The following SMC5 variants were observed in gnomAD, a reference collection of about 807,000 sequenced individuals.
SMC5 encodes structural maintenance of chromosomes protein 5.
A neutral mutation model predicts 148.3 loss-of-function variants in SMC5; 88 were observed. That is an observed-to-expected ratio of 0.59 (90% CI 0.50 to 0.71). The LOEUF (loss-of-function observed/expected upper bound fraction) is 0.71, where lower values mean the gene tolerates loss of function less well. SMC5 is among the 30% of genes least tolerant of loss of function. The probability of loss-of-function intolerance (pLI) is 0.00; values close to 1 mark genes in which losing one functional copy is unlikely to be tolerated. For missense variants in SMC5, 1,142 were observed against 1,298.9 expected (o/e 0.88, Z 1.86); for synonymous variants, 421 against 432.8 (o/e 0.97, Z 0.34).
chr9:70,292,082 A>C (rs1327600327), intron 8 of SMC5, among the ~76,000 whole-genome samples: 1 of 152,182 alleles, frequency 6.6e-6, no homozygotes, highest in African/African-American at 2.4e-5. Flanking sequence ...GCATTTGGTT[A>C]AATTCCAGAG....
chr9:70,270,270 T>G (rs2118037096), intron 3 of SMC5, among the ~76,000 whole-genome samples: 1 of 152,330 alleles, frequency 6.6e-6, no homozygotes, highest in Non-Finnish European at 1.5e-5. Context: ...ATGCAGATGA[T>G]TAGCAAAATA....
rs2118871319 is a variant in SMC5, at chr9:70,354,021, C to T, written c.*1690C>T. The T allele has an allele frequency of 6.6e-6, 1 of 152,242 alleles. No homozygotes were observed. Among genetic ancestry groups the T allele is most frequent in the Non-Finnish European group, 1.5e-5 (1 of 68,014 alleles). 9.4% of individuals were successfully genotyped at this position (152,242 alleles called of 1,614,324 possible). On this transcript the variant is annotated 3_prime_UTR_variant, in exon 25 of 25. Transcript: ENST00000361138. ...TAAGCATGTTTGAAAATAAAATGGT[C>T]AATTACATTTCAATTTACATAGGCC...
At chr9:70,265,734 A>C (rs982305656) in intron 2 of SMC5, among the ~76,000 whole-genome samples, 5 of 152,220 alleles carry the variant, frequency 3.3e-5, no homozygotes, top group Non-Finnish European at 5.9e-5. Flanking sequence ...AATACTAGGA[A>C]AAACAGACTT....
chr9:70,264,266 G>A (rs758097804), intron 1 of SMC5, 38 bp from the exon 2 acceptor site: 3 of 1,572,678 alleles, frequency 1.9e-6, no homozygotes, highest in East Asian at 4.6e-5. Flanking sequence ...AAGTGGTTTT[G>A]TATCTCTCCT....
intron 1 of SMC5, 73 bp from the exon 2 acceptor site, chr9:70,264,231 C>A: frequency 2.2e-6 from 3 of 1,384,844 alleles, no homozygotes; most frequent in South Asian, 1.5e-5. Context: ...TTTGAGGAAG[C>A]TCATAGATAA....
At chr9:70,321,621 G>C (rs894125657) in intron 15 of SMC5, among the ~76,000 whole-genome samples, 7 of 151,678 alleles carry the variant, frequency 4.6e-5, no homozygotes, top group Non-Finnish European at 1.0e-4. Flanking sequence ...ACCTCAATCA[G>C]TCCTCCCGCC....
At chr9:70,259,948 CT>C (rs1409704215) in intron 1 of SMC5, among the ~76,000 whole-genome samples, 6 of 110,290 alleles carry the variant, frequency 5.4e-5, no homozygotes, top group Admixed American at 1.8e-4. Flanking sequence ...TTTTTTTCCT[CT>C]TTTTTTTTGA....
chr9:70,267,835 AT>A (rs1156740071), intron 2 of SMC5, 87 bp from the exon 3 acceptor site: 5 of 1,233,914 alleles, frequency 4.1e-6, no homozygotes, highest in African/African-American at 1.5e-5. Context: ...AAAAATCTTG[AT>A]TTGACAAATA....
intron 6 of SMC5, 78 bp from the exon 7 acceptor site, chr9:70,282,344 C>T: frequency 7.2e-7 from 1 of 1,391,312 alleles, no homozygotes; most frequent in Non-Finnish European, 9.5e-7. Context: ...CATTTGGTTT[C>T]TGCCTGTATC....
Position 70,322,426 on chromosome 9 carries a change from A to C in SMC5, c.2151-1057A>C, listed in dbSNP as rs116853329. ...CTCCTACTTCTGTTCACTTTGGACT[A>C]CTGCAGTGGTGACCTAGTTAGTGGT... On this transcript the variant is annotated intron_variant, in intron 15 of 24. Coordinates refer to ENST00000361138, the MANE Select transcript of SMC5 (RefSeq NM_015110.4). Among the ~76,000 whole-genome samples the C allele has an allele frequency of 5.7e-4, 87 of 152,332 alleles. 3 individuals are homozygous for C. The East Asian group carries it at 0.014, about 24-fold the overall frequency.
chr9:70,266,067 A>C (rs1356447999), intron 2 of SMC5, among the ~76,000 whole-genome samples: 1 of 152,196 alleles, frequency 6.6e-6, no homozygotes, highest in East Asian at 1.9e-4. Context: ...GCACAAGTTA[A>C]CATTTCTAAA....
intron 8 of SMC5, among the ~76,000 whole-genome samples, chr9:70,296,315 G>A (rs1033539682): frequency 6.6e-6 from 1 of 152,006 alleles, no homozygotes; most frequent in African/African-American, 2.4e-5. Context: ...GCATTAAAAC[G>A]TAAAAGTTTA....
chr9:70,283,427 A>G (rs980351899), intron 7 of SMC5, among the ~76,000 whole-genome samples: 6 of 152,208 alleles, frequency 3.9e-5, no homozygotes, highest in South Asian at 2.1e-4. Context: ...AGATTGTGCC[A>G]CTGCTCTCCA....
chr9:70,323,545 A>T lies in SMC5; in HGVS notation c.2213A>T (p.Lys738Ile). The T allele has an allele frequency of 6.2e-7, 1 of 1,612,854 alleles. No individual in the cohort carries two copies. Among genetic ancestry groups the T allele is most frequent in the Non-Finnish European group, 8.5e-7 (1 of 1,179,596 alleles). ...GAGGAAGAGCGAAAAGCAAGTACCAAAATCAAAGAAATAAATGTTCAAAAA... is the reference window on the plus strand; with the variant it reads ...GAGGAAGAGCGAAAAGCAAGTACCATAATCAAAGAAATAAATGTTCAAAAA... Reference protein sequence around the residue: ...LEEEERKASTKIKEINVQKAK... With the variant: ...LEEEERKASTIIKEINVQKAK... The change falls in exon 16 of 25, where the codon AAA becomes ATA. Residue 738 changes from lysine (K) to isoleucine (I), a missense_variant. Coordinates refer to ENST00000361138, the MANE Select transcript of SMC5 (RefSeq NM_015110.4).
At chr9:70,287,315 G>A (rs1202188688) in intron 8 of SMC5, among the ~76,000 whole-genome samples, 1 of 151,642 alleles carries the variant, frequency 6.6e-6, no homozygotes, top group African/African-American at 2.4e-5. Context: ...TTTCTTCCTG[G>A]AGTCTTTCCT....
chr9:70,274,351 G>C (rs1482284254), intron 3 of SMC5, among the ~76,000 whole-genome samples: 2 of 152,180 alleles, frequency 1.3e-5, no homozygotes, highest in Non-Finnish European at 2.9e-5. Context: ...AAAGTGCTGG[G>C]ATTACAGGCG....
intron 17 of SMC5, among the ~76,000 whole-genome samples, chr9:70,341,600 A>G (rs571798728): frequency 6.1e-4 from 93 of 152,332 alleles, no homozygotes; most frequent in African/African-American, 2.1e-3. Context: ...TCCAGTATCT[A>G]TCCTTTCACT....
At chr9:70,309,270 T>A (rs533864678) in intron 11 of SMC5, among the ~76,000 whole-genome samples, 69 of 150,596 alleles carry the variant, frequency 4.6e-4, no homozygotes, top group African/African-American at 1.5e-3. Context: ...GATTTCTCTG[T>A]AGCATATGAT....
rs147669902 is a variant in SMC5, at chr9:70,285,238, A to G, written c.982-962A>G. The stretch of plus-strand genomic sequence containing the variant: ...AGATTTATTACAGCAAAAGGATGCA[A>G]AACAGTCAGGAAAGGGAAAATGCCC... On this transcript the variant is annotated intron_variant, in intron 7 of 24. Transcript: ENST00000361138. Among the ~76,000 whole-genome samples, 600 of 152,304 alleles carry G rather than the reference A, an allele frequency of 3.9e-3. 3 individuals are homozygous for G. Among genetic ancestry groups the G allele is most frequent in the African/African-American group, 0.013 (555 of 41,580 alleles).
Sources: allele counts gnomAD v4.1 joint callset (sites outside exome capture counted in the v4.1 genomes callset), GRCh38; gene constraint gnomAD v4.1.1; transcripts MANE v1.5; gene names NCBI Gene and HGNC (gene_info 2026-07-23, HGNC 2026-07-21).